CPNE1: variants seen among roughly 807,000 people sequenced by gnomAD.
The protein encoded by CPNE1 is copine 1.
Under a neutral mutation model 63.2 loss-of-function variants are expected in CPNE1, and 58 were observed. The observed-to-expected ratio is 0.92, with a 90% CI of 0.74 to 1.14. The LOEUF (loss-of-function observed/expected upper bound fraction) is 1.14. CPNE1 is among the 50% of genes most tolerant of loss of function. The probability of loss-of-function intolerance (pLI) is 0.00; values close to 1 mark genes in which losing one functional copy is unlikely to be tolerated. For missense variants in CPNE1, 672 were observed against 661.7 expected (o/e 1.02, Z -0.17); for synonymous variants, 237 against 249.0 (o/e 0.95, Z 0.45).
At chr20:35,658,692 G>A (rs1424582852) in intron 1 of CPNE1, among the ~76,000 whole-genome samples, 2 of 151,842 alleles carry the variant, frequency 1.3e-5, no homozygotes, top group African/African-American at 4.8e-5. Context: ...CCCGGGAGGC[G>A]GAGGTTGCAG....
At chr20:35,629,810 C>T (rs1008068392) in intron 13 of CPNE1, among the ~76,000 whole-genome samples, 1 of 152,050 alleles carries the variant, frequency 6.6e-6, no homozygotes, top group Non-Finnish European at 1.5e-5. Context: ...AGGCGCCTGC[C>T]ATCATGCTCG....
intron 1 of CPNE1, among the ~76,000 whole-genome samples, chr20:35,633,959 CAAAAAA>C (rs34006508): frequency 9.9e-5 from 4 of 40,424 alleles, no homozygotes; most frequent in African/African-American, 2.7e-4. Flanking sequence ...GATTCCGTCT[CAAAAAA>C]AAAAAAAAAA....
intron 1 of CPNE1, among the ~76,000 whole-genome samples, chr20:35,645,803 A>G (rs1257572987): frequency 3.9e-5 from 6 of 152,238 alleles, no homozygotes; most frequent in Non-Finnish European, 2.9e-5. Context: ...GGAGTTATGT[A>G]TAAAGGCTGG....
At chr20:35,639,321 T>C (rs1264086785) in intron 1 of CPNE1, among the ~76,000 whole-genome samples, 1 of 152,196 alleles carries the variant, frequency 6.6e-6, no homozygotes, top group Non-Finnish European at 1.5e-5. Flanking sequence ...AAAATTTTCA[T>C]AATAAAATGT....
At chr20:35,646,641 A>G (rs1409592907) in intron 1 of CPNE1, among the ~76,000 whole-genome samples, 2 of 152,098 alleles carry the variant, frequency 1.3e-5, no homozygotes, top group Non-Finnish European at 2.9e-5. Context: ...CCTGGTTACG[A>G]GCAGGTTTAC....
chr20:35,658,820 C>CAT (rs1040406984), intron 1 of CPNE1: 1 of 622,930 alleles, frequency 1.6e-6, no homozygotes, highest in African/African-American at 1.9e-5. Flanking sequence ...CACACACACA[C>CAT]ACACACACAC....
At chr20:35,650,841 A>C (rs2033457572) in intron 1 of CPNE1, 1 of 152,610 alleles carries the variant, frequency 6.6e-6, no homozygotes, top group Non-Finnish European at 1.5e-5. Flanking sequence ...CTGTATATAT[A>C]TATAGTTTAA....
chr20:35,630,873 G>T, intron 11 of CPNE1, 28 bp downstream of exon 11: 1 of 1,603,104 alleles, frequency 6.2e-7, no homozygotes, highest in East Asian at 2.2e-5. Flanking sequence ...GCAGGGAGCG[G>T]GTATAGCCCA....
chr20:35,645,683 A>G (rs1264730930), intron 1 of CPNE1, among the ~76,000 whole-genome samples: 1 of 152,240 alleles, frequency 6.6e-6, no homozygotes, highest in African/African-American at 2.4e-5. Flanking sequence ...TGGTCATAGA[A>G]GTAAAGCAGC....
chr20:35,631,885 G>A (rs1046759758), intron 6 of CPNE1, 60 bp downstream of exon 6: 3 of 1,568,020 alleles, frequency 1.9e-6, no homozygotes, highest in African/African-American at 1.4e-5. Context: ...AACCTTGCTA[G>A]TCACAGGCCC....
intron 1 of CPNE1, among the ~76,000 whole-genome samples, chr20:35,642,955 G>A (rs1008797131): frequency 7.2e-5 from 11 of 152,144 alleles, no homozygotes; most frequent in Admixed American, 2.6e-4. Flanking sequence ...TACTGTACTG[G>A]GTGAAGGTCA....
At chr20:35,662,695 G>C (rs145618595) in intron 1 of CPNE1, among the ~76,000 whole-genome samples, 1 of 152,160 alleles carries the variant, frequency 6.6e-6, no homozygotes, top group African/African-American at 2.4e-5. Flanking sequence ...TATCAACACT[G>C]TCACTGGATT....
At chr20:35,645,635 A>G (rs568231848) in intron 1 of CPNE1, among the ~76,000 whole-genome samples, 3 of 152,388 alleles carry the variant, frequency 2.0e-5, no homozygotes, top group South Asian at 2.1e-4. Context: ...AAAAGCTTGA[A>G]GGTGACAGGT....
chr20:35,655,389 C>G (rs764090502), intron 1 of CPNE1: 39 of 1,470,614 alleles, frequency 2.7e-5, no homozygotes, highest in Non-Finnish European at 5.5e-6. Flanking sequence ...TCCTGTTTAT[C>G]ACACCAAGTT....
intron 1 of CPNE1, among the ~76,000 whole-genome samples, chr20:35,662,944 ACATTACAATC>A (rs1391546673): frequency 6.6e-6 from 1 of 152,242 alleles, no homozygotes; most frequent in Non-Finnish European, 1.5e-5. Context: ...TGAAAATTAT[ACATTACAATC>A]CATAAGCAAA....
Position 35,632,806 on chromosome 20 carries a change from T to C in CPNE1, c.118A>G (p.Ser40Gly). The change falls in exon 2 of 16, where the codon AGC (serine) becomes GGC (glycine). Residue 40 changes from serine to glycine, a missense_variant. Ser to Gly is a moderately conservative substitution (Grantham distance 56, BLOSUM62 0). Transcript: ENST00000397443. The part of the protein sequence containing the change: ...CVLLQDVGGG[S>G]WAELGRTERV... Reference sequence around the variant, plus strand: ...ATAATCCGCCTCACCTCAGCCCAGCTGCCCCCTCCCACATCCTGTAAAAGG... The same window carrying C: ...ATAATCCGCCTCACCTCAGCCCAGCCGCCCCCTCCCACATCCTGTAAAAGG... 1.1e-6 allele frequency: 1 copy of C among 872,358 alleles called. No individual in the cohort carries two copies. The highest frequency in any genetic ancestry group is 2.0e-6 in the Non-Finnish European group (1 of 501,378). The allele number at this position is 872,358 out of a possible 1,614,324, so 54.0% of individuals were successfully genotyped here.
chr20:35,663,255 T>C (rs952248270), intron 1 of CPNE1, among the ~76,000 whole-genome samples: 2 of 152,216 alleles, frequency 1.3e-5, no homozygotes, highest in Admixed American at 6.5e-5. Flanking sequence ...TGTAGTTCTA[T>C]AATTTAAAAA....
intron 1 of CPNE1, among the ~76,000 whole-genome samples, chr20:35,635,667 G>A (rs750422388): frequency 4.6e-5 from 7 of 152,084 alleles, no homozygotes; most frequent in Non-Finnish European, 4.4e-5. Context: ...CAGTGCACAC[G>A]AGGTCAGATC....
rs896631277 is a variant in CPNE1 at position 35,626,198 on chromosome 20, C to G, written c.*43G>C. The G allele has an allele frequency of 4.3e-6, 7 of 1,611,946 alleles. No individual in the cohort carries two copies. The highest frequency in any genetic ancestry group is 5.9e-6 in the Non-Finnish European group (7 of 1,178,132). ...GTTGGGTTGTGGCCCAGAGGGACCT[C>G]TGGGACACAGGATTGAGGACTTGCC... On this transcript the variant is annotated 3_prime_UTR_variant, in exon 16 of 16. Transcript: ENST00000397443.
Sources: allele counts gnomAD v4.1 joint callset (sites outside exome capture counted in the v4.1 genomes callset), GRCh38; gene constraint gnomAD v4.1.1; transcripts MANE v1.5; gene names NCBI Gene and HGNC (gene_info 2026-07-23, HGNC 2026-07-21).